Variants in MAPRE3 observed in about 807,000 individuals in gnomAD.
MAPRE3 encodes the protein microtubule associated protein RP/EB family member 3.
MAPRE3 carries 2 observed loss-of-function variants against 30.5 expected under a neutral mutation model. The ratio of observed to expected loss-of-function variants is 0.07; its 90% CI spans 0.03 to 0.21. The LOEUF (loss-of-function observed/expected upper bound fraction) is 0.21, where lower values mean the gene tolerates loss of function less well. Ranked by LOEUF, MAPRE3 falls within the 10% of genes least tolerant of loss-of-function variation. The probability of loss-of-function intolerance (pLI) is 1.00; values close to 1 mark genes in which losing one functional copy is unlikely to be tolerated. For synonymous variants in MAPRE3, 110 were observed against 127.7 expected (o/e 0.86, Z 0.93); for missense variants, 204 against 351.8 (o/e 0.58, Z 3.36).
chr2:27,006,038 C>T (rs1041328902), intron 1 of MAPRE3, among the ~76,000 whole-genome samples: 3 of 152,104 alleles, frequency 2.0e-5, no homozygotes, highest in East Asian at 1.9e-4. Flanking sequence ...AAAAATTAGC[C>T]GGGCACAGTG....
intron 1 of MAPRE3, among the ~76,000 whole-genome samples, chr2:26,972,813 T>A (rs866081923): frequency 2.0e-4 from 31 of 152,206 alleles, no homozygotes; most frequent in African/African-American, 6.5e-4. Context: ...TTTCAGAGGA[T>A]CAGAGTAGTT....
intron 1 of MAPRE3, among the ~76,000 whole-genome samples, chr2:26,987,260 A>C (rs1466964300): frequency 6.6e-6 from 1 of 152,246 alleles, no homozygotes; most frequent in Non-Finnish European, 1.5e-5. Flanking sequence ...AGACATGCTG[A>C]GTTCAAAGAG....
At chr2:26,987,090 T>C (rs929974336) in intron 1 of MAPRE3, among the ~76,000 whole-genome samples, 6 of 152,176 alleles carry the variant, frequency 3.9e-5, no homozygotes, top group African/African-American at 1.4e-4. Flanking sequence ...CTCCTGCCTA[T>C]CTCTCTAGCT....
At chr2:27,014,095 A>C (rs1666927248) in intron 1 of MAPRE3, 2 of 152,202 alleles carry the variant, frequency 1.3e-5, no homozygotes, top group Admixed American at 1.3e-4. Flanking sequence ...TTGTTGACCT[A>C]AAAAGTAGGT....
chr2:27,010,461 G>A (rs1285796977), intron 1 of MAPRE3, among the ~76,000 whole-genome samples: 1 of 95,368 alleles, frequency 1.0e-5, no homozygotes, highest in Non-Finnish European at 2.3e-5. Context: ...TTTTTTTTGA[G>A]ATGGAGTTTC....
intron 4 of MAPRE3, 70 bp from the exon 5 acceptor site, chr2:27,025,513 C>T: frequency 1.3e-6 from 2 of 1,483,638 alleles, no homozygotes; most frequent in African/African-American, 1.4e-5. Context: ...GCAGTCCTCA[C>T]ACCAGGCTGT....
chr2:26,976,032 C>T (rs1268548741), intron 1 of MAPRE3, among the ~76,000 whole-genome samples: 1 of 152,176 alleles, frequency 6.6e-6, no homozygotes, highest in Non-Finnish European at 1.5e-5. Context: ...TAATTTTCAG[C>T]TATTGATGAA....
At chr2:26,978,369 T>G (rs1000840003) in intron 1 of MAPRE3, among the ~76,000 whole-genome samples, 1 of 152,164 alleles carries the variant, frequency 6.6e-6, no homozygotes, top group Non-Finnish European at 1.5e-5. Flanking sequence ...TTATCTCCAG[T>G]GGCATAATGT....
chr2:27,018,895 T>TTTTATTTATTTATTTATTTATTTATTTA (rs143408252), intron 1 of MAPRE3, among the ~76,000 whole-genome samples: 3 of 146,850 alleles, frequency 2.0e-5, no homozygotes, highest in African/African-American at 7.6e-5. Context: ...GCACACACAT[T>TTTTATTTATTTATTTATTTATTTATTTA]TTTATTTATT....
At chr2:27,023,857 A>C (rs923581902) in intron 3 of MAPRE3, 1 of 527,230 alleles carries the variant, frequency 1.9e-6, no homozygotes, top group Admixed American at 3.2e-5. Flanking sequence ...GAGCCAAGGG[A>C]CGCCTCCCCA....
intron 1 of MAPRE3, among the ~76,000 whole-genome samples, chr2:27,018,396 C>T: frequency 6.6e-6 from 1 of 152,200 alleles, no homozygotes; most frequent in Non-Finnish European, 1.5e-5. Context: ...TCCCTGGGGA[C>T]CTGGCAGAGT....
rs1032937093 is a variant in MAPRE3 at position 26,985,135 on chromosome 2, T to A, written c.-8+14333T>A. 3.1e-4 allele frequency among the ~76,000 whole-genome samples: 47 copies of A among 152,234 alleles called. No individual in the cohort carries two copies. Among genetic ancestry groups the A allele is most frequent in the African/African-American group, 1.1e-3 (45 of 41,458 alleles). On this transcript the variant is annotated intron_variant, in intron 1 of 6. Coordinates refer to ENST00000233121, the MANE Select transcript of MAPRE3 (RefSeq NM_012326.4). This position sits in a 1 kb window ranked among gnomAD's most constrained non-coding sequence, Gnocchi z 4.2. ...CCCTAGGTCCTGAATTCTTCCTTTT[T>A]CTTTAGCCTCAATATCATTTGCTTA...
At chr2:27,001,849 G>A (rs994493032) in intron 1 of MAPRE3, among the ~76,000 whole-genome samples, 1 of 152,160 alleles carries the variant, frequency 6.6e-6, no homozygotes, top group African/African-American at 2.4e-5. Flanking sequence ...CCGGCTTCAT[G>A]GACTGTAAAC....
intron 1 of MAPRE3, among the ~76,000 whole-genome samples, 192 bp from the exon 2 acceptor site, chr2:27,022,020 G>C (rs891004021): frequency 6.6e-6 from 1 of 152,194 alleles, no homozygotes; most frequent in African/African-American, 2.4e-5. Flanking sequence ...CTGGCTCCTG[G>C]TGCACGTCTA....
intron 1 of MAPRE3, chr2:27,002,842 T>C (rs1666630305): frequency 6.6e-6 from 1 of 152,274 alleles, no homozygotes; most frequent in Non-Finnish European, 1.5e-5. Flanking sequence ...TTCAAGGCCA[T>C]CCTGGCTTGT....
chr2:27,001,332 G>T (rs1666590622), intron 1 of MAPRE3, among the ~76,000 whole-genome samples: 1 of 152,220 alleles, frequency 6.6e-6, no homozygotes, highest in African/African-American at 2.4e-5. Flanking sequence ...GAACATAATG[G>T]TTAGTATTTG....
chr2:26,994,393 C>G (rs1189803758), intron 1 of MAPRE3, among the ~76,000 whole-genome samples: 2 of 152,202 alleles, frequency 1.3e-5, no homozygotes, highest in Non-Finnish European at 2.9e-5. Context: ...TTATCCACAC[C>G]ATGGTTCAAG....
At chr2:26,993,934 C>T (rs140910559) in intron 1 of MAPRE3, among the ~76,000 whole-genome samples, 2 of 152,134 alleles carry the variant, frequency 1.3e-5, no homozygotes, top group African/African-American at 2.4e-5. Context: ...CGCTCTCCCC[C>T]CAGACAGAGA....
In MAPRE3 at chr2:27,015,967, C is replaced by G. The variant is rs1408761244; in HGVS notation, c.-7-6245C>G. 6.6e-6 allele frequency among the ~76,000 whole-genome samples: 1 copy of G among 152,174 alleles called. No individual in the cohort carries two copies. Among genetic ancestry groups the G allele is most frequent in the Non-Finnish European group, 1.5e-5 (1 of 68,038 alleles). On this transcript the variant is annotated intron_variant, in intron 1 of 6. Coordinates refer to ENST00000233121, the MANE Select transcript of MAPRE3 (RefSeq NM_012326.4). The surrounding 1 kb of genome is among the most constrained non-coding windows in gnomAD (Gnocchi z 4.0). ...CGCAATGAGAGCTGTAATTGCCTTT[C>G]CCAGTTGCCTGTGAATGCACCATGA...
Sources: gnomAD v4.1 joint callset for allele counts (sites outside exome capture counted in the v4.1 genomes callset) on GRCh38, gnomAD v4.1.1 for gene constraint, Gnocchi (gnomAD v3.1) non-coding constraint, MANE v1.5 for transcripts, NCBI Gene and HGNC (gene_info 2026-07-23, HGNC 2026-07-21) for gene names.